Variants in PREX1 observed in about 807,000 individuals in gnomAD.
PREX1 encodes phosphatidylinositol 3,4,5-trisphosphate-dependent Rac exchanger 1 protein.
In PREX1, 41 loss-of-function variants were observed where a neutral mutation model predicts 198.3. The ratio of observed to expected loss-of-function variants is 0.21; its 90% CI spans 0.16 to 0.27. The LOEUF (loss-of-function observed/expected upper bound fraction) is 0.27, where lower values mean the gene tolerates loss of function less well. Ranked by LOEUF, PREX1 falls within the 10% of genes least tolerant of loss-of-function variation. The pLI, the probability that PREX1 is intolerant of heterozygous loss-of-function variation, is 1.00. For missense variants in PREX1, 1,620 were observed against 2,200.7 expected, an observed-to-expected ratio of 0.74 and a Z score of 5.28; for synonymous variants, 843 against 887.2, an observed-to-expected ratio of 0.95 and a Z score of 0.89.
chr20:48,881,687 C>A, the PREX1 span, among the ~76,000 whole-genome samples: 1 of 152,022 alleles, frequency 6.6e-6, no homozygotes. Flanking sequence ...GGGTTTCACC[C>A]TATTGGCCGG....
intron 3 of PREX1, among the ~76,000 whole-genome samples, chr20:48,737,215 CAAAAA>C (rs140010281): frequency 0.17 from 5,973 of 34,388 alleles, 86 homozygotes; most frequent in Non-Finnish European, 0.22. Flanking sequence ...GTTTTGACAG[CAAAAA>C]AAAAAAAAAA....
At chr20:48,661,262 A>G (rs574287106) in intron 15 of PREX1, among the ~76,000 whole-genome samples, 2 of 151,128 alleles carry the variant, frequency 1.3e-5, no homozygotes, top group Admixed American at 6.6e-5. Flanking sequence ...TCCACTAAAA[A>G]TACAAAATTA....
chr20:48,760,104 C>T (rs372643899), intron 1 of PREX1, among the ~76,000 whole-genome samples: 1 of 151,414 alleles, frequency 6.6e-6, no homozygotes, highest in Non-Finnish European at 1.5e-5. Flanking sequence ...AAAGCAAGAC[C>T]CTGCCTCAAA....
At chr20:48,868,136 AAAC>A in the PREX1 span, among the ~76,000 whole-genome samples, 1 of 152,188 alleles carries the variant, frequency 6.6e-6, no homozygotes, top group Non-Finnish European at 1.5e-5. Flanking sequence ...TGTCTAAGAA[AAAC>A]AACAGTGAAC....
the PREX1 span, among the ~76,000 whole-genome samples, chr20:48,871,955 C>T: frequency 1.3e-5 from 2 of 151,904 alleles, no homozygotes; most frequent in South Asian, 4.2e-4. Flanking sequence ...GTCAGGAGAT[C>T]GAGACCATCC....
chr20:48,680,958 A>G lies in PREX1; in HGVS notation c.1435+277T>C, dbSNP rs79045075. Reference sequence around the variant, plus strand: ...TAGGCACTCAATAAATATTTGCTGAATAACTAAAACTTAACCAAATGGTTC... The same window carrying G: ...TAGGCACTCAATAAATATTTGCTGAGTAACTAAAACTTAACCAAATGGTTC... On this transcript the variant is annotated intron_variant, in intron 11 of 39. Transcript: ENST00000371941. Among the ~76,000 whole-genome samples the G allele has an allele frequency of 2.9e-3, 442 of 152,326 alleles. 10 individuals carry two copies. In the East Asian group the frequency reaches 0.061, roughly 21 times the overall value.
chr20:48,828,089 C>T (rs1375287251), upstream of PREX1, among the ~76,000 whole-genome samples: 3 of 148,028 alleles, frequency 2.0e-5, no homozygotes, highest in Admixed American at 1.3e-4. Context: ...TCCCAGACGG[C>T]TGGCCCCCCG....
chr20:48,731,867 A>G (rs1216398165), intron 4 of PREX1, among the ~76,000 whole-genome samples: 2 of 152,244 alleles, frequency 1.3e-5, no homozygotes, highest in Non-Finnish European at 2.9e-5. Context: ...AAAGAAAGAA[A>G]GAAGTCAGTC....
intron 1 of PREX1, among the ~76,000 whole-genome samples, chr20:48,789,724 T>C (rs2090329146): frequency 6.6e-6 from 1 of 152,180 alleles, no homozygotes; most frequent in African/African-American, 2.4e-5. Context: ...GTAAAAATAT[T>C]ATATAGACAA....
At chr20:48,735,383 C>G (rs573182301) in intron 3 of PREX1, among the ~76,000 whole-genome samples, 32 of 152,146 alleles carry the variant, frequency 2.1e-4, no homozygotes, top group Non-Finnish European at 4.0e-4. Flanking sequence ...AGCAGCTCAT[C>G]TTGTTTCTAA....
At chr20:48,636,764 A>G in intron 31 of PREX1, 81 bp from the exon 32 acceptor site, 6 of 1,272,480 alleles carry the variant, frequency 4.7e-6, no homozygotes, top group Non-Finnish European at 6.4e-6. Context: ...CCCTGGGTCC[A>G]GGACCCCTCA....
At chr20:48,698,607 G>A (rs2089859172) in intron 7 of PREX1, among the ~76,000 whole-genome samples, 1 of 152,164 alleles carries the variant, frequency 6.6e-6, no homozygotes, top group African/African-American at 2.4e-5. Flanking sequence ...GAATGAAGGA[G>A]CAAATGAGAA....
intron 6 of PREX1, among the ~76,000 whole-genome samples, chr20:48,701,218 G>A (rs1305596249): frequency 6.6e-6 from 1 of 151,942 alleles, no homozygotes; most frequent in Non-Finnish European, 1.5e-5. Context: ...TTGGTTTTTG[G>A]GTTTATTTTT....
chr20:48,671,951 T>C (rs551772919), intron 14 of PREX1, among the ~76,000 whole-genome samples: 2 of 152,256 alleles, frequency 1.3e-5, no homozygotes, highest in South Asian at 4.1e-4. Flanking sequence ...ATCCTCCCCG[T>C]CTCCACTTGC....
At chr20:48,869,569 C>A in the PREX1 span, among the ~76,000 whole-genome samples, 1 of 151,956 alleles carries the variant, frequency 6.6e-6, no homozygotes, top group Non-Finnish European at 1.5e-5. Context: ...GCACTATTTA[C>A]AATAGCAAAG....
chr20:48,725,628 T>C (rs1219639818), intron 5 of PREX1, among the ~76,000 whole-genome samples: 1 of 152,238 alleles, frequency 6.6e-6, no homozygotes, highest in Admixed American at 6.5e-5. Flanking sequence ...TCCTCACTCA[T>C]GGCCTGTGGG....
intron 3 of PREX1, among the ~76,000 whole-genome samples, chr20:48,740,730 T>C (rs1422574824): frequency 6.6e-6 from 1 of 152,206 alleles, no homozygotes; most frequent in Non-Finnish European, 1.5e-5. Context: ...AAAAAGATGA[T>C]TTTAAATTAA....
chr20:48,655,449 AC>A, intron 18 of PREX1, 74 bp from the exon 19 acceptor site: 1 of 1,257,390 alleles, frequency 8.0e-7, no homozygotes, highest in Non-Finnish European at 1.1e-6. Flanking sequence ...CCCGGTGCCA[AC>A]CCAGAGACTT....
chr20:48,653,694 G>A (rs944698570), intron 19 of PREX1, among the ~76,000 whole-genome samples, 197 bp from the exon 20 acceptor site: 1 of 152,174 alleles, frequency 6.6e-6, no homozygotes, highest in African/African-American at 2.4e-5. Flanking sequence ...AAGAAACTAA[G>A]GTTCAGAGAA....
Sources: gnomAD v4.1 joint callset for allele counts (sites outside exome capture counted in the v4.1 genomes callset) on GRCh38, gnomAD v4.1.1 for gene constraint, MANE v1.5 for transcripts, NCBI Gene and HGNC (gene_info 2026-07-23, HGNC 2026-07-21) for gene names.